USP15: variants seen among roughly 807,000 people sequenced by gnomAD.
USP15 encodes the protein ubiquitin specific peptidase 15, also known as ubiquitin carboxyl-terminal hydrolase 15.
USP15 carries 18 observed loss-of-function variants against 127.1 expected under a neutral mutation model. That is an observed-to-expected ratio of 0.14 (90% CI 0.10 to 0.21). The LOEUF is 0.21. Among genes scored for constraint, USP15 ranks in the 10% least tolerant of loss-of-function variants. The pLI, the probability that USP15 is intolerant of heterozygous loss-of-function variation, is 1.00. For missense variants in USP15, 805 were observed against 1,159.9 expected (o/e 0.69, Z 4.44); for synonymous variants, 364 against 393.7 (o/e 0.92, Z 0.89).
intron 3 of USP15, among the ~76,000 whole-genome samples, chr12:62,310,207 T>A (rs1056892083): frequency 2.0e-5 from 3 of 151,888 alleles, no homozygotes; most frequent in African/African-American, 7.2e-5. Context: ...CATGAGAAAA[T>A]CTGTTACATA....
At chr12:62,320,103 G>C (rs2064943541) in intron 4 of USP15, among the ~76,000 whole-genome samples, 1 of 152,106 alleles carries the variant, frequency 6.6e-6, no homozygotes, top group Non-Finnish European at 1.5e-5. Flanking sequence ...ATACAACCCT[G>C]CCAAAGTAGA....
chr12:62,406,154 T>TA lies in USP15; in HGVS notation c.*1784dup, dbSNP rs2067863111. ...TTATTTCTTACTCTTAATCTTTTAA[T>TA]AAAAATCCCCTACTTTATGGTTAGA... On this transcript the variant is annotated 3_prime_UTR_variant, in exon 22 of 22. Coordinates refer to ENST00000280377, the MANE Select transcript of USP15 (RefSeq NM_001252078.2). The TA allele has an allele frequency of 6.6e-6, 1 of 152,062 alleles. No individual in the cohort carries two copies. Among genetic ancestry groups the TA allele is most frequent in the South Asian group, 2.1e-4 (1 of 4,828 alleles). 9.4% of individuals were successfully genotyped at this position (152,062 alleles called of 1,614,324 possible). A position where few individuals can be genotyped will look rare whatever the true frequency, so the allele number is the denominator to read the frequency against.
intron 8 of USP15, among the ~76,000 whole-genome samples, chr12:62,366,463 G>A (rs2066480979): frequency 6.6e-6 from 1 of 152,098 alleles, no homozygotes. Flanking sequence ...GAGACGATGG[G>A]GTTTTCTAAA....
intron 6 of USP15, among the ~76,000 whole-genome samples, chr12:62,332,448 AGTT>A (rs1183621294): frequency 5.9e-5 from 9 of 152,058 alleles, no homozygotes; most frequent in African/African-American, 1.9e-4. Context: ...TGGATAATCT[AGTT>A]GTTCTATTGC....
intron 2 of USP15, among the ~76,000 whole-genome samples, chr12:62,299,714 G>A (rs965702466): frequency 2.6e-5 from 4 of 152,220 alleles, no homozygotes; most frequent in African/African-American, 4.8e-5. Flanking sequence ...TTTAAACTTC[G>A]TTGTTTAACT....
chr12:62,278,930 A>G (rs1291129172), intron 1 of USP15, among the ~76,000 whole-genome samples: 1 of 152,208 alleles, frequency 6.6e-6, no homozygotes, highest in Non-Finnish European at 1.5e-5. Context: ...CTGAATGCTT[A>G]TCAGTTTCAC....
intron 4 of USP15, among the ~76,000 whole-genome samples, chr12:62,315,495 G>GT (rs1306194858): frequency 6.6e-6 from 1 of 151,890 alleles, no homozygotes; most frequent in African/African-American, 2.4e-5. Context: ...TGAATAAAAT[G>GT]TTTTTTAAAA....
At chr12:62,278,231 G>T (rs2063548232) in intron 1 of USP15, among the ~76,000 whole-genome samples, 1 of 152,108 alleles carries the variant, frequency 6.6e-6, no homozygotes, top group South Asian at 2.1e-4. Context: ...TAATATTCAT[G>T]GAGCTGTCAT....
At chr12:62,359,856 C>T (rs2066259640) in intron 8 of USP15, among the ~76,000 whole-genome samples, 1 of 152,128 alleles carries the variant, frequency 6.6e-6, no homozygotes, top group African/African-American at 2.4e-5. Flanking sequence ...CCCCTAGCCC[C>T]TGCCTCCTGA....
At chr12:62,392,760 TC>T (rs2067364020) in intron 18 of USP15, among the ~76,000 whole-genome samples, 1 of 152,146 alleles carries the variant, frequency 6.6e-6, no homozygotes, top group Non-Finnish European at 1.5e-5. Context: ...ATACCTGTCT[TC>T]CAGCACAGAT....
intron 8 of USP15, among the ~76,000 whole-genome samples, chr12:62,378,755 A>T (rs530743368): frequency 6.6e-6 from 1 of 152,194 alleles, no homozygotes; most frequent in African/African-American, 2.4e-5. Context: ...GTACTTGAAG[A>T]TATTTTTGAG....
At chr12:62,336,190 C>G (rs1205051517) in intron 6 of USP15, 1 of 985,156 alleles carries the variant, frequency 1.0e-6, no homozygotes, top group East Asian at 1.1e-4. Flanking sequence ...TATGCTAATC[C>G]TCTCCCCCAG....
At chr12:62,388,219 G>A (rs1288265771) in intron 11 of USP15, among the ~76,000 whole-genome samples, 2 of 138,346 alleles carry the variant, frequency 1.4e-5, no homozygotes, top group East Asian at 2.3e-4. Flanking sequence ...TGCAACCTCC[G>A]CCTCCTGGGC....
chr12:62,320,436 T>A (rs2064952832), intron 4 of USP15, among the ~76,000 whole-genome samples: 1 of 152,204 alleles, frequency 6.6e-6, no homozygotes, highest in South Asian at 2.1e-4. Context: ...CAATTAAACC[T>A]CTTTTCTTCA....
intron 7 of USP15, among the ~76,000 whole-genome samples, chr12:62,351,365 A>C (rs2065962444): frequency 6.6e-6 from 1 of 150,908 alleles, no homozygotes; most frequent in South Asian, 2.1e-4. Flanking sequence ...ACTTACCAAA[A>C]GTCATTTTTT....
In USP15 at chr12:62,351,095, T is replaced by C. The variant is rs150974757; in HGVS notation, c.770+1788T>C. On this transcript the variant is annotated intron_variant, in intron 7 of 21. Transcript: ENST00000280377. ...TTTGGAGTACTAGAATAATTTTTTC[T>C]AGCAAAATTGTTTACCAATATGAAT... Among the ~76,000 whole-genome samples the C allele has an allele frequency of 4.5e-3, 681 of 152,222 alleles. 6 individuals are homozygous for C. The highest frequency in any genetic ancestry group is 5.8e-3 in the Non-Finnish European group (392 of 68,008).
At chr12:62,268,035 TA>T (rs2137039136) in intron 1 of USP15, among the ~76,000 whole-genome samples, 1 of 152,266 alleles carries the variant, frequency 6.6e-6, no homozygotes, top group East Asian at 1.9e-4. Flanking sequence ...TGTAGCTAAG[TA>T]TTTATATGTA....
intron 1 of USP15, among the ~76,000 whole-genome samples, chr12:62,290,418 A>T (rs958157654): frequency 6.6e-6 from 1 of 152,128 alleles, no homozygotes; most frequent in Non-Finnish European, 1.5e-5. Flanking sequence ...ATCTGATCTA[A>T]GTATAGCTAC....
intron 6 of USP15, among the ~76,000 whole-genome samples, chr12:62,326,192 G>A (rs2137301357): frequency 6.6e-6 from 1 of 152,262 alleles, no homozygotes; most frequent in African/African-American, 2.4e-5. Context: ...TGCGTTGTCT[G>A]ATACAGTCAA....
Sources: allele counts gnomAD v4.1 joint callset (sites outside exome capture counted in the v4.1 genomes callset), GRCh38; gene constraint gnomAD v4.1.1; transcripts MANE v1.5; gene names NCBI Gene and HGNC (gene_info 2026-07-23, HGNC 2026-07-21).